Variants in GRIN2B observed in about 807,000 individuals in gnomAD.
The protein encoded by GRIN2B is glutamate ionotropic receptor NMDA type subunit 2B, also known as glutamate receptor ionotropic, NMDA 2B.
In GRIN2B, 5 loss-of-function variants were observed where a neutral mutation model predicts 114.5. The ratio of observed to expected loss-of-function variants is 0.04; its 90% CI spans 0.02 to 0.09. The LOEUF is 0.09. GRIN2B is among the 10% of genes least tolerant of loss of function. GRIN2B has a pLI of 1.00. For synonymous variants in GRIN2B, 787 were observed against 745.1 expected (o/e 1.06, Z -0.92); for missense variants, 1,108 against 1,943.5 (o/e 0.57, Z 8.08).
intron 3 of GRIN2B, among the ~76,000 whole-genome samples, chr12:13,857,327 C>T (rs183981731): frequency 6.6e-6 from 1 of 152,122 alleles, no homozygotes; most frequent in Admixed American, 6.5e-5. Context: ...GGCCACTTAA[C>T]ATGCCGGTTC....
chr12:13,933,009 G>C (rs1236883128), intron 2 of GRIN2B, among the ~76,000 whole-genome samples: 1 of 151,818 alleles, frequency 6.6e-6, no homozygotes, highest in Non-Finnish European at 1.5e-5. Context: ...GTGTGTGTTT[G>C]TGTGAATGGC....
In GRIN2B at chr12:13,571,618, G is replaced by A. The variant is rs1459424920; in HGVS notation, c.2171+186C>T. Among the ~76,000 whole-genome samples, 3 of 152,156 alleles carry A rather than the reference G, an allele frequency of 2.0e-5. No homozygotes were observed. In the East Asian group the frequency reaches 5.8e-4, roughly 29 times the overall value. On this transcript the variant is annotated intron_variant, in intron 11 of 13. Transcript: ENST00000609686. The stretch of plus-strand genomic sequence containing the variant: ...AAAAATACATAGAAGTAATAGCATA[G>A]GAATCGTTGTACACTGGTCTAAATG...
In GRIN2B at chr12:13,900,341, G is replaced by C. The variant is rs181655940; in HGVS notation, c.-18-34115C>G. Reference sequence around the variant, plus strand: ...ATACAAAAAATTAGCTGGTCATGGTGGTGGACGCCTATAATCCCAGCTACA... The same window carrying C: ...ATACAAAAAATTAGCTGGTCATGGTCGTGGACGCCTATAATCCCAGCTACA... On this transcript the variant is annotated intron_variant, in intron 2 of 13. Coordinates refer to ENST00000609686, the MANE Select transcript of GRIN2B (RefSeq NM_000834.5). 2.0e-5 allele frequency among the ~76,000 whole-genome samples: 3 copies of C among 152,058 alleles called. No individual in the cohort carries two copies. In the East Asian group the frequency reaches 5.8e-4, roughly 29 times the overall value.
At chr12:13,590,394 C>T (rs898508350) in intron 10 of GRIN2B, among the ~76,000 whole-genome samples, 13 of 152,100 alleles carry the variant, frequency 8.5e-5, no homozygotes, top group African/African-American at 2.9e-4. Context: ...CCCCTAGCCC[C>T]CCACTCCCGA....
chr12:13,549,770 T>C lies in GRIN2B; in HGVS notation c.*13013A>G, dbSNP rs768220005. 6 of 152,230 alleles carry C rather than the reference T, an allele frequency of 3.9e-5. No homozygotes were observed. Among genetic ancestry groups the C allele is most frequent in the Non-Finnish European group, 8.8e-5 (6 of 68,034 alleles). The allele number at this position is 152,230 out of a possible 1,614,324, so 9.4% of individuals were successfully genotyped here. A position where few individuals can be genotyped will look rare whatever the true frequency, so the allele number is the denominator to read the frequency against. On this transcript the variant is annotated 3_prime_UTR_variant, in exon 14 of 14. Coordinates refer to ENST00000609686, the MANE Select transcript of GRIN2B (RefSeq NM_000834.5). ...AAAACATTTTTATTTGACCAAGTTT[T>C]CTTCACCGTGGAAACCTCTCTAACC...
At chr12:13,696,629 C>G (rs1950261982) in intron 4 of GRIN2B, among the ~76,000 whole-genome samples, 1 of 152,108 alleles carries the variant, frequency 6.6e-6, no homozygotes, top group African/African-American at 2.4e-5. Flanking sequence ...GATTGCACAC[C>G]AATTTGATAC....
chr12:13,625,117 C>T (rs1367021700), intron 5 of GRIN2B, among the ~76,000 whole-genome samples: 1 of 152,132 alleles, frequency 6.6e-6, no homozygotes, highest in Non-Finnish European at 1.5e-5. Context: ...CAATTCAATG[C>T]CACTAAAAAA....
In GRIN2B at chr12:13,540,638, TAA is replaced by T. The variant is rs1191038416; in HGVS notation, c.*22143_*22144del. 2 of 151,740 alleles carry T rather than the reference TAA, an allele frequency of 1.3e-5. No homozygotes were observed. The highest frequency in any genetic ancestry group is 1.9e-4 in the East Asian group (1 of 5,166). 9.4% of individuals were successfully genotyped at this position (151,740 alleles called of 1,614,324 possible). A position where few individuals can be genotyped will look rare whatever the true frequency, so the allele number is the denominator to read the frequency against. ...AAAATCCAAGAGAGAAAGGAAAAAA[TAA>T]AAAGACCCAGTCATCCGCCCCTCCC... On this transcript the variant is annotated 3_prime_UTR_variant, in exon 14 of 14. Coordinates refer to ENST00000609686, the MANE Select transcript of GRIN2B (RefSeq NM_000834.5).
At chr12:13,631,614 A>G (rs1240725762) in intron 5 of GRIN2B, among the ~76,000 whole-genome samples, 1 of 152,188 alleles carries the variant, frequency 6.6e-6, no homozygotes, top group African/African-American at 2.4e-5. Flanking sequence ...CAGGGAGAAA[A>G]TGGGGAAACT....
At chr12:13,858,349 C>T (rs1865698429) in intron 3 of GRIN2B, among the ~76,000 whole-genome samples, 1 of 152,086 alleles carries the variant, frequency 6.6e-6, no homozygotes, top group Non-Finnish European at 1.5e-5. Flanking sequence ...CTTTATTGTA[C>T]TCAGAAAGGT....
At chr12:13,757,884 TA>T (rs1863607066) in intron 3 of GRIN2B, among the ~76,000 whole-genome samples, 1 of 152,136 alleles carries the variant, frequency 6.6e-6, no homozygotes, top group South Asian at 2.1e-4. Context: ...AATAATTGCC[TA>T]AAAAATTAGC....
At position 13,562,735 on chromosome 12, in the gene GRIN2B, C is replaced by T; in HGVS notation, c.*48G>A. 6.7e-7 allele frequency: 1 copy of T among 1,490,244 alleles called. No homozygotes were observed. The highest frequency in any genetic ancestry group is 9.4e-7 in the Non-Finnish European group (1 of 1,067,056). 92.3% of individuals were successfully genotyped at this position (1,490,244 alleles called of 1,614,324 possible). ...CTCCGTGACATGCGCATCACGCGAC[C>T]CACAGCCTTACCCTCCCGTACCCAC... On this transcript the variant is annotated 3_prime_UTR_variant, in exon 14 of 14. Coordinates refer to ENST00000609686, the MANE Select transcript of GRIN2B (RefSeq NM_000834.5).
At chr12:13,723,978 CA>C (rs1862929433) in intron 4 of GRIN2B, among the ~76,000 whole-genome samples, 1 of 151,964 alleles carries the variant, frequency 6.6e-6, no homozygotes, top group East Asian at 1.9e-4. Context: ...TAGGAAATTC[CA>C]ATAGGAAAAG....
chr12:13,786,210 G>C (rs922204506), intron 3 of GRIN2B, among the ~76,000 whole-genome samples: 2 of 152,134 alleles, frequency 1.3e-5, no homozygotes, highest in African/African-American at 4.8e-5. Context: ...ATCATCCATA[G>C]TTATTCAGCA....
chr12:13,942,874 C>G (rs1042339659), intron 2 of GRIN2B, among the ~76,000 whole-genome samples: 1 of 152,154 alleles, frequency 6.6e-6, no homozygotes, highest in African/African-American at 2.4e-5. Flanking sequence ...TCATCTCTCC[C>G]TGTGAGGATA....
intron 5 of GRIN2B, among the ~76,000 whole-genome samples, chr12:13,635,069 C>T (rs1005429003): frequency 6.6e-6 from 1 of 152,204 alleles, no homozygotes; most frequent in African/African-American, 2.4e-5. Context: ...CACTTTCGTG[C>T]TGGCACTGCC....
chr12:13,690,510 G>T (rs1049773868), intron 4 of GRIN2B, among the ~76,000 whole-genome samples: 1 of 151,898 alleles, frequency 6.6e-6, no homozygotes, highest in African/African-American at 2.4e-5. Context: ...CTTTTCTAAA[G>T]AATGAGATGA....
At chr12:13,860,812 T>C (rs1161515664) in intron 3 of GRIN2B, among the ~76,000 whole-genome samples, 1 of 152,202 alleles carries the variant, frequency 6.6e-6, no homozygotes, top group Non-Finnish European at 1.5e-5. Context: ...TTCTTCCCCA[T>C]TCTTGGAGCA....
intron 5 of GRIN2B, among the ~76,000 whole-genome samples, chr12:13,632,437 G>T (rs1388131169): frequency 6.6e-6 from 1 of 152,224 alleles, no homozygotes; most frequent in Non-Finnish European, 1.5e-5. Flanking sequence ...TACTCTTCGG[G>T]CTCAGGTGTG....
Sources: gnomAD v4.1 joint callset for allele counts (sites outside exome capture counted in the v4.1 genomes callset) on GRCh38, gnomAD v4.1.1 for gene constraint, MANE v1.5 for transcripts, NCBI Gene and HGNC (gene_info 2026-07-23, HGNC 2026-07-21) for gene names.